TOP1: variants seen among roughly 807,000 people sequenced by gnomAD.
TOP1 encodes the protein DNA topoisomerase 1.
TOP1 carries 10 observed loss-of-function variants against 111.1 expected under a neutral mutation model. That is an observed-to-expected ratio of 0.09 (90% CI 0.06 to 0.15). TOP1 has a LOEUF of 0.15. Among genes scored for constraint, TOP1 ranks in the 10% least tolerant of loss-of-function variants. The pLI is 1.00. For synonymous variants in TOP1, 271 were observed against 302.9 expected (o/e 0.89, Z 1.10); for missense variants, 474 against 926.7 (o/e 0.51, Z 6.34).
At chr20:41,037,780 A>G (rs866398297) in intron 2 of TOP1, among the ~76,000 whole-genome samples, 9 of 152,216 alleles carry the variant, frequency 5.9e-5, no homozygotes, top group African/African-American at 1.4e-4. Flanking sequence ...TGTGTTCACT[A>G]GTGTTCATTA....
chr20:41,043,470 A>G (rs2033293050), intron 2 of TOP1, among the ~76,000 whole-genome samples: 1 of 152,232 alleles, frequency 6.6e-6, no homozygotes, highest in African/African-American at 2.4e-5. Context: ...TTGTATTTCT[A>G]CTGAATATAT....
chr20:41,120,976 T>C (rs758165151), intron 18 of TOP1, among the ~76,000 whole-genome samples: 10 of 152,146 alleles, frequency 6.6e-5, no homozygotes, highest in Non-Finnish European at 1.2e-4. Flanking sequence ...CTCCTGACCT[T>C]GTGATCCGCC....
chr20:41,046,348 A>C lies in TOP1; in HGVS notation c.59-15046A>C, dbSNP rs923763708. 6.6e-6 allele frequency among the ~76,000 whole-genome samples: 1 copy of C among 152,204 alleles called. No homozygotes were observed. Among genetic ancestry groups the C allele is most frequent in the African/African-American group, 2.4e-5 (1 of 41,452 alleles). On this transcript the variant is annotated intron_variant, in intron 2 of 20. Transcript: ENST00000361337. The surrounding 1 kb of genome is among the most constrained non-coding windows in gnomAD (Gnocchi z 4.3). ...AACTAAGCCACAGAGCAGGGAGGCTAATCTAGGCCTACCTCATGCCACAGC... is the reference window on the plus strand; with the variant it reads ...AACTAAGCCACAGAGCAGGGAGGCTCATCTAGGCCTACCTCATGCCACAGC...
chr20:41,073,362 T>C (rs1371646037), intron 3 of TOP1: 14 of 972,854 alleles, frequency 1.4e-5, no homozygotes, highest in Non-Finnish European at 1.7e-5. Flanking sequence ...TATAGTTTCA[T>C]GGGAAGACAA....
At chr20:41,077,357 T>C (rs2033740336) in intron 4 of TOP1, among the ~76,000 whole-genome samples, 1 of 152,240 alleles carries the variant, frequency 6.6e-6, no homozygotes, top group Non-Finnish European at 1.5e-5. Context: ...CTGCCATTTT[T>C]AAGGGAAACC....
At position 41,124,301 on chromosome 20, in the gene TOP1, T is replaced by C. The variant is rs1313457327; in HGVS notation, c.*1004T>C. On this transcript the variant is annotated 3_prime_UTR_variant, in exon 21 of 21. Coordinates refer to ENST00000361337, the MANE Select transcript of TOP1 (RefSeq NM_003286.4). The surrounding 1 kb of genome is among the most constrained non-coding windows in gnomAD (Gnocchi z 5.4). ...ATTGTGTAAAAAATGGAAAAAAACA[T>C]AAAAAGCAGAATTTTAATGTGAAGA... is the stretch of plus-strand genomic sequence containing the variant. 5 of 233,010 alleles carry C rather than the reference T, an allele frequency of 2.1e-5. No homozygotes were observed. Among genetic ancestry groups the C allele is most frequent in the Admixed American group, 1.7e-4 (3 of 17,776 alleles). 14.4% of individuals were successfully genotyped at this position (233,010 alleles called of 1,614,324 possible).
Position 41,028,899 on chromosome 20 carries a change from C to A in TOP1, c.-169C>A, listed in dbSNP as rs1044945918. The A allele has an allele frequency of 1.7e-6, 1 of 576,022 alleles. No homozygotes were observed. The highest frequency in any genetic ancestry group is 3.0e-6 in the Non-Finnish European group (1 of 330,768). The allele number at this position is 576,022 out of a possible 1,614,324, so 35.7% of individuals were successfully genotyped here. ...GCCCGGCAGTCAGGCAGCGTCGCCG[C>A]CGTGGTAGCAGCCTCAGCCGTTTCT... On this transcript the variant is annotated 5_prime_UTR_variant, in exon 1 of 21. Transcript: ENST00000361337.
chr20:41,036,378 C>T (rs560330686), intron 2 of TOP1, among the ~76,000 whole-genome samples: 16 of 152,232 alleles, frequency 1.1e-4, no homozygotes, highest in Admixed American at 5.2e-4. Context: ...TCCGAAAAAT[C>T]GAGATAAGTC....
At chr20:41,043,732 G>A (rs1001629707) in intron 2 of TOP1, among the ~76,000 whole-genome samples, 2 of 152,178 alleles carry the variant, frequency 1.3e-5, no homozygotes, top group Non-Finnish European at 2.9e-5. Context: ...GCTGAGCTGT[G>A]GATCCGCACG....
rs1222421266 is a variant in TOP1, at chr20:41,094,322, A to G, written c.730+1735A>G. ...CTATAACTCAAAGCCAAAACTCCTA[A>G]TTAAGAGAAAGGGCCTAGAACCTTG... On this transcript the variant is annotated intron_variant, in intron 9 of 20. Transcript: ENST00000361337. The surrounding 1 kb of genome is among the most constrained non-coding windows in gnomAD (Gnocchi z 4.4). Among the ~76,000 whole-genome samples, 1 of 152,126 alleles carries G rather than the reference A, an allele frequency of 6.6e-6. No individual in the cohort carries two copies. Among genetic ancestry groups the G allele is most frequent in the Non-Finnish European group, 1.5e-5 (1 of 68,030 alleles).
chr20:41,112,738 A>G lies in TOP1; in HGVS notation c.1309-44A>G. 6.2e-7 allele frequency: 1 copy of G among 1,608,194 alleles called. No individual in the cohort carries two copies. Among genetic ancestry groups the G allele is most frequent in the Non-Finnish European group, 8.5e-7 (1 of 1,176,434 alleles). On this transcript the variant is annotated intron_variant, in intron 13 of 20. Transcript: ENST00000361337. The surrounding 1 kb of genome is among the most constrained non-coding windows in gnomAD (Gnocchi z 5.8). ...GCTATATTCAAAGTCTGTCTTTACT[A>G]CACTGTCCCAAAGTAATCTACATTT...
rs2034013495 is a variant in TOP1 at position 41,098,539 on chromosome 20, C to A, written c.975+202C>A. ...TGTGAACAAGTACTTTGCTCAGTAG[C>A]TCTGTACAGGAATCTTGGTGCTTCA... is the stretch of plus-strand genomic sequence containing the variant. On this transcript the variant is annotated intron_variant, in intron 11 of 20. Coordinates refer to ENST00000361337, the MANE Select transcript of TOP1 (RefSeq NM_003286.4). This position sits in a 1 kb window ranked among gnomAD's most constrained non-coding sequence, Gnocchi z 5.7. 1.9e-6 allele frequency: 1 copy of A among 535,450 alleles called. No homozygotes were observed. Among genetic ancestry groups the A allele is most frequent in the Non-Finnish European group, 3.2e-6 (1 of 311,106 alleles). The allele number at this position is 535,450 out of a possible 1,614,324, so 33.2% of individuals were successfully genotyped here.
intron 9 of TOP1, among the ~76,000 whole-genome samples, chr20:41,093,942 A>G (rs2033950655): frequency 6.6e-6 from 1 of 152,042 alleles, no homozygotes; most frequent in Non-Finnish European, 1.5e-5. Context: ...AGTCCCAGCT[A>G]CTCGGGAGGC....
rs2033816762 is a variant in TOP1, at chr20:41,083,916, C to T, written c.508-546C>T. On this transcript the variant is annotated intron_variant, in intron 7 of 20. Transcript: ENST00000361337. The surrounding 1 kb of genome is among the most constrained non-coding windows in gnomAD (Gnocchi z 7.2). ...TCAAAGAAGAGCCATAAAGAAATAC[C>T]ACCATAGGAATTGGTGTCATTTTAG... is the stretch of plus-strand genomic sequence containing the variant. Among the ~76,000 whole-genome samples the T allele has an allele frequency of 6.6e-6, 1 of 152,028 alleles. No individual in the cohort carries two copies. The highest frequency in any genetic ancestry group is 1.5e-5 in the Non-Finnish European group (1 of 67,994).
chr20:41,057,307 G>A lies in TOP1; in HGVS notation c.59-4087G>A, dbSNP rs529023264. On this transcript the variant is annotated intron_variant, in intron 2 of 20. Transcript: ENST00000361337. ...TGAGGCAGGAGAATTGCTTGAACCC[G>A]GGAGGCTGAGGTTGCAGTGAGCCGA... Among the ~76,000 whole-genome samples, 184 of 150,814 alleles carry A rather than the reference G, an allele frequency of 1.2e-3. 1 individual carries two copies. The highest frequency in any genetic ancestry group is 4.1e-3 in the African/African-American group (170 of 40,992).
Position 41,092,955 on chromosome 20 carries a change from A to C in TOP1, c.730+368A>C, listed in dbSNP as rs995299447. On this transcript the variant is annotated intron_variant, in intron 9 of 20. Transcript: ENST00000361337. This position sits in a 1 kb window ranked among gnomAD's most constrained non-coding sequence, Gnocchi z 4.3. ...TGAATGGTAGTATTTTATGTTAGCAATATAACAATGCAATCGGACAAGCTG... is the reference window on the plus strand; with the variant it reads ...TGAATGGTAGTATTTTATGTTAGCACTATAACAATGCAATCGGACAAGCTG... 1.6e-4 allele frequency among the ~76,000 whole-genome samples: 25 copies of C among 152,234 alleles called. No individual in the cohort carries two copies. Among genetic ancestry groups the C allele is most frequent in the African/African-American group, 6.0e-4 (25 of 41,470 alleles).
At position 41,058,483 on chromosome 20, in the gene TOP1, G is replaced by A. The variant is rs2033501989; in HGVS notation, c.59-2911G>A. 6.6e-6 allele frequency among the ~76,000 whole-genome samples: 1 copy of A among 152,132 alleles called. No homozygotes were observed. Among genetic ancestry groups the A allele is most frequent in the African/African-American group, 2.4e-5 (1 of 41,416 alleles). ...ACTTCCAGGATGGCTCATTCACATG[G>A]CTAATTGGCAGGAAGCTTAAGTTTC... is the stretch of plus-strand genomic sequence containing the variant. On this transcript the variant is annotated intron_variant, in intron 2 of 20. Transcript: ENST00000361337. The surrounding 1 kb of genome is among the most constrained non-coding windows in gnomAD (Gnocchi z 4.2).
chr20:41,062,827 TGGAAGACTTGAA>T (rs1245705932), intron 3 of TOP1, among the ~76,000 whole-genome samples: 1 of 152,248 alleles, frequency 6.6e-6, no homozygotes, highest in Non-Finnish European at 1.5e-5. Context: ...ATTAAGGATA[TGGAAGACTTGAA>T]CAGTATCAAC....
intron 2 of TOP1, among the ~76,000 whole-genome samples, chr20:41,051,429 A>G (rs2033404384): frequency 6.6e-6 from 1 of 152,214 alleles, no homozygotes; most frequent in Non-Finnish European, 1.5e-5. Flanking sequence ...ATCATGGAAT[A>G]GTTGATAAAA....
Sources: gnomAD v4.1 joint callset for allele counts (sites outside exome capture counted in the v4.1 genomes callset) on GRCh38, gnomAD v4.1.1 for gene constraint, Gnocchi (gnomAD v3.1) non-coding constraint, MANE v1.5 for transcripts, NCBI Gene and HGNC (gene_info 2026-07-23, HGNC 2026-07-21) for gene names.